PODNL1: variants seen among roughly 807,000 people sequenced by gnomAD.
The protein encoded by PODNL1 is podocan-like protein 1.
In PODNL1, 50 loss-of-function variants were observed where a neutral mutation model predicts 45.1. The ratio of observed to expected loss-of-function variants is 1.11; its 90% CI spans 0.88 to 1.40. The LOEUF (loss-of-function observed/expected upper bound fraction) is 1.40, where lower values mean the gene tolerates loss of function less well. PODNL1 is among the 40% of genes most tolerant of loss of function. PODNL1 has a pLI of 0.00. For missense variants in PODNL1, 788 were observed against 793.3 expected (o/e 0.99, Z 0.08); for synonymous variants, 406 against 372.5 (o/e 1.09, Z -1.04).
At chr19:13,951,381 C>T (rs1485547101) in intron 1 of PODNL1, among the ~76,000 whole-genome samples, 2 of 152,086 alleles carry the variant, frequency 1.3e-5, no homozygotes, top group Admixed American at 6.6e-5. Context: ...CACACCTGTC[C>T]TCCCAACACT....
chr19:13,935,729 C>G lies in PODNL1; in HGVS notation c.486G>C (p.Pro162=), dbSNP rs200371573. ...GCTGGGCCAGGGTCTACCTGAGTGC[C>G]GGCTTCTCCCCAAAGGTGAGGGGGA... The part of the protein sequence containing the change: ...EIFPLTFGEK[P]ALRSVYLHNN... Residue 162 remains proline (P), a synonymous_variant, in exon 5 of 10, where the codon CCG becomes CCC. Transcript: ENST00000588872. The G allele has an allele frequency of 1.3e-6, 2 of 1,565,822 alleles. No individual in the cohort carries two copies. Among genetic ancestry groups the G allele is most frequent in the African/African-American group, 1.4e-5 (1 of 72,652 alleles).
chr19:13,932,410 A>G (rs7258784), intron 8 of PODNL1: 102,263 of 552,480 alleles, frequency 0.19, 11,067 homozygotes, highest in African/African-American at 0.35. Flanking sequence ...TGCCCAGTCT[A>G]GAGGGCAGTG....
chr19:13,931,960 G>A lies in PODNL1; in HGVS notation c.1574+4C>T, dbSNP rs1971972390. ...CTCCACCCCTCCGGTCACCCTCGGGGCACCTGAGGAAGAGGGCACGCAGGC... is the reference window on the plus strand; with the variant it reads ...CTCCACCCCTCCGGTCACCCTCGGGACACCTGAGGAAGAGGGCACGCAGGC... On this transcript the variant is annotated splice_donor_region_variant and intron_variant, in intron 9 of 9. Coordinates refer to ENST00000588872, the MANE Select transcript of PODNL1 (RefSeq NM_001370095.3). The A allele has an allele frequency of 1.9e-5, 24 of 1,232,188 alleles. No homozygotes were observed. The highest frequency in any genetic ancestry group is 2.1e-5 in the Non-Finnish European group (21 of 988,116). The allele number at this position is 1,232,188 out of a possible 1,614,324, so 76.3% of individuals were successfully genotyped here.
intron 8 of PODNL1, chr19:13,932,496 G>A (rs926664493): frequency 1.5e-6 from 1 of 664,772 alleles, no homozygotes; most frequent in African/African-American, 1.8e-5. Flanking sequence ...TGAATAGCTG[G>A]GACTACAGGC....
chr19:13,945,575 C>T (rs865949194), intron 1 of PODNL1, among the ~76,000 whole-genome samples: 1 of 151,596 alleles, frequency 6.6e-6, no homozygotes, highest in Middle Eastern at 3.4e-3. Context: ...CAACCTCTAT[C>T]CCCCGAGTTC....
chr19:13,937,329 A>C (rs1599436978), intron 2 of PODNL1, among the ~76,000 whole-genome samples: 1 of 58,492 alleles, frequency 1.7e-5, no homozygotes, highest in Non-Finnish European at 3.2e-5. Flanking sequence ...ATGCGCCATC[A>C]CCCCCGCAAT....
chr19:13,934,950 A>G (rs559748588), intron 5 of PODNL1, among the ~76,000 whole-genome samples: 1 of 150,210 alleles, frequency 6.7e-6, no homozygotes, highest in Non-Finnish European at 1.5e-5. Flanking sequence ...TTGTGTACAT[A>G]TGTGCATGTG....
At chr19:13,944,698 C>T (rs886991745) in intron 1 of PODNL1, among the ~76,000 whole-genome samples, 1 of 151,606 alleles carries the variant, frequency 6.6e-6, no homozygotes, top group Non-Finnish European at 1.5e-5. Context: ...CTCAATGATC[C>T]GCCCGCCTTG....
At chr19:13,935,379 T>A (rs1972274556) in intron 5 of PODNL1, among the ~76,000 whole-genome samples, 1 of 152,112 alleles carries the variant, frequency 6.6e-6, no homozygotes, top group Non-Finnish European at 1.5e-5. Flanking sequence ...CAGGCTTGAG[T>A]GCGGTGGCAC....
rs1490511059 is a variant in PODNL1, at chr19:13,932,038, G to A, written c.1500C>T (p.Leu500=). ...DLPEALEELH[L]EGNRIGHVGP... ...CCACGTGGCCGATGCGGTTGCCCTC[G>A]AGGTGCAGCTCCTCTAGGGCCTCAG... is the stretch of plus-strand genomic sequence containing the variant. The change falls in exon 9 of 10, where the codon CTC becomes CTT. Residue 500 remains leucine, a synonymous_variant. Transcript: ENST00000588872. The A allele has an allele frequency of 1.2e-5, 15 of 1,232,202 alleles. No individual in the cohort carries two copies. The highest frequency in any genetic ancestry group is 3.2e-5 in the East Asian group (1 of 31,722). The allele number at this position is 1,232,202 out of a possible 1,614,324, so 76.3% of individuals were successfully genotyped here. A position where few individuals can be genotyped will look rare whatever the true frequency, so the allele number is the denominator to read the frequency against.
intron 5 of PODNL1, among the ~76,000 whole-genome samples, chr19:13,935,187 G>C (rs1972259069): frequency 6.6e-6 from 1 of 152,004 alleles, no homozygotes; most frequent in South Asian, 2.1e-4. Context: ...CTCCACCTCA[G>C]TCTGGAGTTC....
chr19:13,951,387 ACACTTT>A (rs1973021905), intron 1 of PODNL1, among the ~76,000 whole-genome samples: 1 of 152,118 alleles, frequency 6.6e-6, no homozygotes, highest in South Asian at 2.1e-4. Context: ...TGTCCTCCCA[ACACTTT>A]GGGAAGCAGA....
Position 13,937,955 on chromosome 19 carries a change from C to CGGCGACG in PODNL1, c.48_54dup (p.Gly19ArgfsTer38). The CGGCGACG allele has an allele frequency of 6.5e-7, 1 of 1,542,966 alleles. No individual in the cohort carries two copies. The highest frequency in any genetic ancestry group is 1.2e-5 in the South Asian group (1 of 83,914). ...TGGGGGAAGGCAGCGTCTTCCAAGC[C>CGGCGACG]GGCGACGGGCGGGGGCCCCGGCAAC... is the stretch of plus-strand genomic sequence containing the variant. On this transcript the variant is annotated frameshift_variant, in exon 2 of 10. Transcript: ENST00000588872. LOFTEE classifies it high-confidence loss of function.
chr19:13,951,367 G>C (rs1358193064), intron 1 of PODNL1, among the ~76,000 whole-genome samples: 1 of 152,098 alleles, frequency 6.6e-6, no homozygotes, highest in African/African-American at 2.4e-5. Flanking sequence ...CAGGGGTGGG[G>C]GCTCACACCT....
At chr19:13,940,069 A>T (rs1327416633), upstream of PODNL1, 1 of 151,802 alleles carries the variant, frequency 6.6e-6, no homozygotes, top group Non-Finnish European at 1.5e-5. Flanking sequence ...AAGTGGGGGG[A>T]TGACAAACCC....
intron 1 of PODNL1, among the ~76,000 whole-genome samples, chr19:13,943,964 T>A (rs10420669): frequency 0.053 from 8,108 of 152,176 alleles, 675 homozygotes; most frequent in African/African-American, 0.18. Context: ...GACATGGATT[T>A]ACCTGGGTAG....
intron 1 of PODNL1, among the ~76,000 whole-genome samples, chr19:13,950,679 C>T (rs114811104): frequency 0.013 from 2,028 of 152,264 alleles, 25 homozygotes; most frequent in African/African-American, 0.033. Flanking sequence ...CAGGTGTCCC[C>T]ACTGTCTTGG....
At position 13,933,412 on chromosome 19, in the gene PODNL1, G is replaced by T; in HGVS notation, c.811C>A (p.Leu271Met). 1 of 1,597,654 alleles carries T rather than the reference G, an allele frequency of 6.3e-7. No individual in the cohort carries two copies. Residue 271 changes from leucine (L) to methionine (M), a missense_variant, in exon 8 of 10, where the codon CTG becomes ATG. Physicochemically the swap from Leu to Met is conservative, Grantham distance 15. Transcript: ENST00000588872. This position sits in a 1 kb window ranked among gnomAD's most constrained non-coding sequence, Gnocchi z 5.2. ...GGCAGGCCGGCGGGCACTGTGGTCA[G>T]CTGGTTGTGGGAGAGATCCAGGTAT... ...LEYLDLSHNQ[L>M]TTVPAGLPRT...
At chr19:13,948,076 G>A (rs1284987324) in intron 1 of PODNL1, among the ~76,000 whole-genome samples, 3 of 151,930 alleles carry the variant, frequency 2.0e-5, no homozygotes, top group African/African-American at 4.8e-5. Flanking sequence ...GTTGGTCTCC[G>A]GGGATCAAGG....
Sources: gnomAD v4.1 joint callset for allele counts (sites outside exome capture counted in the v4.1 genomes callset) on GRCh38, gnomAD v4.1.1 for gene constraint, Gnocchi (gnomAD v3.1) non-coding constraint, MANE v1.5 for transcripts, NCBI Gene and HGNC (gene_info 2026-07-23, HGNC 2026-07-21) for gene names.